The following POU5F2 variants were observed in gnomAD, a reference collection of about 807,000 sequenced individuals.
The protein encoded by POU5F2 is POU domain class 5, transcription factor 2.
For synonymous variants in POU5F2, 191 were observed against 178.7 expected (o/e 1.07, Z -0.55); for missense variants, 401 against 426.6 (o/e 0.94, Z 0.53).
rs1747732887 is a variant in POU5F2 at position 93,738,638 on chromosome 5, T to C, written c.*1939A>G. Reference sequence around the variant, plus strand: ...ATATTATTCAGTCATAAAAAAGGAATGAAGTTCTGATACACACTACAACAC... The same window carrying C: ...ATATTATTCAGTCATAAAAAAGGAACGAAGTTCTGATACACACTACAACAC... On this transcript the variant is annotated 3_prime_UTR_variant, in exon 1 of 1. Coordinates refer to ENST00000606183, the MANE Select transcript of POU5F2 (RefSeq NM_153216.2). 1 of 152,218 alleles carries C rather than the reference T, an allele frequency of 6.6e-6. No homozygotes were observed. The highest frequency in any genetic ancestry group is 6.5e-5 in the Admixed American group (1 of 15,286). 9.4% of individuals were successfully genotyped at this position (152,218 alleles called of 1,614,324 possible). A position where few individuals can be genotyped will look rare whatever the true frequency, so the allele number is the denominator to read the frequency against.
rs992236080 is a variant in POU5F2, at chr5:93,741,327, G to A, written c.237C>T (p.Cys79=). 1 of 1,612,940 alleles carries A rather than the reference G, an allele frequency of 6.2e-7. No individual in the cohort carries two copies. The highest frequency in any genetic ancestry group is 1.3e-5 in the African/African-American group (1 of 75,046). ...PHEFRGWIAP[C]RPRLGASEAG... is the part of the protein sequence containing the mutation. ...CCTCACTAGCTCCAAGACGGGGCCTGCAGGGTGCTATCCAGCCCCGGAATT... is the reference window on the plus strand; with the variant it reads ...CCTCACTAGCTCCAAGACGGGGCCTACAGGGTGCTATCCAGCCCCGGAATT... The change falls in exon 1 of 1, where the codon TGC becomes TGT. Residue 79 remains cysteine (C), a synonymous_variant. Transcript: ENST00000606183.
chr5:93,736,201 G>A lies in POU5F2; in HGVS notation c.*4376C>T, dbSNP rs146470520. On this transcript the variant is annotated 3_prime_UTR_variant, in exon 1 of 1. Coordinates refer to ENST00000606183, the MANE Select transcript of POU5F2 (RefSeq NM_153216.2). ...TTCCAATGTGATTCTATATTCTTGA[G>A]TAAATAAACTGGGAACTCAAGCTAA... is the stretch of plus-strand genomic sequence containing the variant. The A allele has an allele frequency of 1.3e-5, 2 of 152,198 alleles. No homozygotes were observed. Among genetic ancestry groups the A allele is most frequent in the Non-Finnish European group, 2.9e-5 (2 of 68,026 alleles). 9.4% of individuals were successfully genotyped at this position (152,198 alleles called of 1,614,324 possible).
At position 93,736,021 on chromosome 5, in the gene POU5F2, A is replaced by G. The variant is rs1260703114; in HGVS notation, c.*4556T>C. 1 of 152,130 alleles carries G rather than the reference A, an allele frequency of 6.6e-6. No individual in the cohort carries two copies. The highest frequency in any genetic ancestry group is 1.5e-5 in the Non-Finnish European group (1 of 68,024). 9.4% of individuals were successfully genotyped at this position (152,130 alleles called of 1,614,324 possible). A position where few individuals can be genotyped will look rare whatever the true frequency, so the allele number is the denominator to read the frequency against. On this transcript the variant is annotated 3_prime_UTR_variant, in exon 1 of 1. Coordinates refer to ENST00000606183, the MANE Select transcript of POU5F2 (RefSeq NM_153216.2). Reference sequence around the variant, plus strand: ...GACATTAAGTTTTTCTTGAGCACTGATGTAGCCCTAAGGATAAAAAAGCTG... The same window carrying G: ...GACATTAAGTTTTTCTTGAGCACTGGTGTAGCCCTAAGGATAAAAAAGCTG...
At position 93,739,031 on chromosome 5, in the gene POU5F2, T is replaced by C. The variant is rs1747817969; in HGVS notation, c.*1546A>G. On this transcript the variant is annotated 3_prime_UTR_variant, in exon 1 of 1. Coordinates refer to ENST00000606183, the MANE Select transcript of POU5F2 (RefSeq NM_153216.2). ...AATAAAAAGCTTAGTCACACCTGAC[T>C]TGTGTGACAGTAAAATTATCCCTGG... The C allele has an allele frequency of 1.3e-5, 2 of 152,230 alleles. No individual in the cohort carries two copies. Among genetic ancestry groups the C allele is most frequent in the East Asian group, 3.8e-4 (2 of 5,198 alleles). 9.4% of individuals were successfully genotyped at this position (152,230 alleles called of 1,614,324 possible).
rs1230436362 is a variant in POU5F2, at chr5:93,741,566, G to A, written c.-3C>T. 9.1e-6 allele frequency: 14 copies of A among 1,537,222 alleles called. No homozygotes were observed. The highest frequency in any genetic ancestry group is 2.8e-5 in the African/African-American group (2 of 72,476). On this transcript the variant is annotated 5_prime_UTR_variant, in exon 1 of 1. Coordinates refer to ENST00000606183, the MANE Select transcript of POU5F2 (RefSeq NM_153216.2). ...TTTGAGGGCCTGTGTCCGGCCATGGGTGGAATGGCACCCGCAGCGGCTCTG... is the reference window on the plus strand; with the variant it reads ...TTTGAGGGCCTGTGTCCGGCCATGGATGGAATGGCACCCGCAGCGGCTCTG...
chr5:93,736,595 A>G lies in POU5F2; in HGVS notation c.*3982T>C, dbSNP rs1747268616. The stretch of plus-strand genomic sequence containing the variant: ...ATAACCACCCTTAGAGTCGGAGGAA[A>G]AAAAAAGTTTAGGTCTCTTAGGTGT... On this transcript the variant is annotated 3_prime_UTR_variant, in exon 1 of 1. Coordinates refer to ENST00000606183, the MANE Select transcript of POU5F2 (RefSeq NM_153216.2). 1 of 152,212 alleles carries G rather than the reference A, an allele frequency of 6.6e-6. No individual in the cohort carries two copies. The highest frequency in any genetic ancestry group is 6.5e-5 in the Admixed American group (1 of 15,282). 9.4% of individuals were successfully genotyped at this position (152,212 alleles called of 1,614,324 possible). A position where few individuals can be genotyped will look rare whatever the true frequency, so the allele number is the denominator to read the frequency against.
chr5:93,740,346 A>G lies in POU5F2; in HGVS notation c.*231T>C. On this transcript the variant is annotated 3_prime_UTR_variant, in exon 1 of 1. Transcript: ENST00000606183. ...TATACTGTAATGTACCTTTAAACCA[A>G]TGCTAGGGAAAAACAAAGGGAAAAC... is the stretch of plus-strand genomic sequence containing the variant. 5.7e-6 allele frequency: 3 copies of G among 525,066 alleles called. No individual in the cohort carries two copies. In the South Asian group the frequency reaches 9.8e-5, roughly 17 times the overall value. 32.5% of individuals were successfully genotyped at this position (525,066 alleles called of 1,614,324 possible).
In POU5F2 at chr5:93,738,736, T is replaced by C. The variant is rs1234406186; in HGVS notation, c.*1841A>G. 1 of 152,238 alleles carries C rather than the reference T, an allele frequency of 6.6e-6. No homozygotes were observed. The highest frequency in any genetic ancestry group is 1.5e-5 in the Non-Finnish European group (1 of 68,066). The allele number at this position is 152,238 out of a possible 1,614,324, so 9.4% of individuals were successfully genotyped here. On this transcript the variant is annotated 3_prime_UTR_variant, in exon 1 of 1. Transcript: ENST00000606183. The stretch of plus-strand genomic sequence containing the variant: ...GTCAAATGTTGTATGGTTCCATGAA[T>C]ATGAACTGCTTAGAACTGGCAAATT...
In POU5F2 at chr5:93,741,500, T is replaced by C. The variant is rs1748485649; in HGVS notation, c.64A>G (p.Arg22Gly). The part of the protein sequence containing the change: ...PLPGSGGGGP[R>G]GPMPLRVDTL... ...TCAACCCGCAGGGGCATCGGCCCTC[T>C]GGGGCCGCCCCCACCACTGCCTGGA... The change falls in exon 1 of 1, where the codon AGA becomes GGA. Residue 22 changes from arginine (R) to glycine (G), a missense_variant. Physicochemically the swap from Arg to Gly is moderately radical, Grantham distance 125 (BLOSUM62 -2). Coordinates refer to ENST00000606183, the MANE Select transcript of POU5F2 (RefSeq NM_153216.2). 6.2e-7 allele frequency: 1 copy of C among 1,611,762 alleles called. No homozygotes were observed. Among genetic ancestry groups the C allele is most frequent in the African/African-American group, 1.3e-5 (1 of 74,900 alleles).
chr5:93,741,547 G>T lies in POU5F2; in HGVS notation c.17C>A (p.Pro6His), dbSNP rs1350417526. 6.3e-7 allele frequency: 1 copy of T among 1,580,134 alleles called. No individual in the cohort carries two copies. Among genetic ancestry groups the T allele is most frequent in the Admixed American group, 1.8e-5 (1 of 55,502 alleles). MAGHR[P>H]SNHFCPLPGS... Reference sequence around the variant, plus strand: ...TGGAAGGGGGCAGAAGTGGTTTGAGGGCCTGTGTCCGGCCATGGGTGGAAT... The same window carrying T: ...TGGAAGGGGGCAGAAGTGGTTTGAGTGCCTGTGTCCGGCCATGGGTGGAAT... Residue 6 changes from proline (P) to histidine (H), a missense_variant, in exon 1 of 1, where the codon CCC becomes CAC. Transcript: ENST00000606183.
At position 93,738,971 on chromosome 5, in the gene POU5F2, G is replaced by T. The variant is rs1262507604; in HGVS notation, c.*1606C>A. ...TATCACACACACAAAAATAGGCAAAGGTAAAGTTTCTACAGTCTCATGAAG... is the reference window on the plus strand; with the variant it reads ...TATCACACACACAAAAATAGGCAAATGTAAAGTTTCTACAGTCTCATGAAG... On this transcript the variant is annotated 3_prime_UTR_variant, in exon 1 of 1. Transcript: ENST00000606183. 1.3e-5 allele frequency: 2 copies of T among 152,116 alleles called. No homozygotes were observed. Among genetic ancestry groups the T allele is most frequent in the Non-Finnish European group, 2.9e-5 (2 of 68,006 alleles). The allele number at this position is 152,116 out of a possible 1,614,324, so 9.4% of individuals were successfully genotyped here.
Position 93,741,257 on chromosome 5 carries a change from G to T in POU5F2, c.307C>A (p.Pro103Thr). The change falls in exon 1 of 1, where the codon CCC becomes ACC. Residue 103 changes from proline (P) to threonine (T), a missense_variant. By Grantham distance (38) the Pro-to-Thr change is conservative (BLOSUM62 -1). Coordinates refer to ENST00000606183, the MANE Select transcript of POU5F2 (RefSeq NM_153216.2). ...GGAATGCTCCGCAGGGCAATGTAGG[G>T]CCCCGGGAGGGCGCCTTCGGAGGGG... The part of the protein sequence containing the change: ...RRPSEGALPG[P>T]YIALRSIPKL... 1 of 1,613,900 alleles carries T rather than the reference G, an allele frequency of 6.2e-7. No homozygotes were observed.
Position 93,736,264 on chromosome 5 carries a change from C to G in POU5F2, c.*4313G>C, listed in dbSNP as rs1242664090. The stretch of plus-strand genomic sequence containing the variant: ...GTATATGTGTAATCTTGATACACCT[C>G]CATTGTCCACCTGAAACAATACAGC... On this transcript the variant is annotated 3_prime_UTR_variant, in exon 1 of 1. Transcript: ENST00000606183. 1 of 152,086 alleles carries G rather than the reference C, an allele frequency of 6.6e-6. No individual in the cohort carries two copies. The highest frequency in any genetic ancestry group is 1.5e-5 in the Non-Finnish European group (1 of 68,018). 9.4% of individuals were successfully genotyped at this position (152,086 alleles called of 1,614,324 possible). A position where few individuals can be genotyped will look rare whatever the true frequency, so the allele number is the denominator to read the frequency against.
chr5:93,738,014 T>A lies in POU5F2; in HGVS notation c.*2563A>T. ...AGTCTGTCTGCATCAAAAGATACAG[T>A]CAAAAGAGTAAAAGGACAACCCACA... On this transcript the variant is annotated 3_prime_UTR_variant, in exon 1 of 1. Coordinates refer to ENST00000606183, the MANE Select transcript of POU5F2 (RefSeq NM_153216.2). 2 of 402,838 alleles carry A rather than the reference T, an allele frequency of 5.0e-6. No individual in the cohort carries two copies. The highest frequency in any genetic ancestry group is 3.7e-5 in the South Asian group (2 of 54,104). The allele number at this position is 402,838 out of a possible 1,614,324, so 25.0% of individuals were successfully genotyped here.
At position 93,740,707 on chromosome 5, in the gene POU5F2, G is replaced by A. The variant is rs750940747; in HGVS notation, c.857C>T (p.Pro286Leu). 4.3e-6 allele frequency: 7 copies of A among 1,613,622 alleles called. No homozygotes were observed. Among genetic ancestry groups the A allele is most frequent in the Non-Finnish European group, 5.1e-6 (6 of 1,179,714 alleles). The change falls in exon 1 of 1, where the codon CCA (proline) becomes CTA (leucine). Residue 286 changes from proline (P) to leucine (L), a missense_variant. Pro to Leu is a moderately conservative substitution (Grantham distance 98). Transcript: ENST00000606183. ...EIVGTAGPPC[P>L]GAPVCFHLGL... The stretch of plus-strand genomic sequence containing the variant: ...CAGGTGAAAGCACACTGGTGCTCCT[G>A]GGCAAGGAGGCCCGGCTGTCCCCAC...
In POU5F2 at chr5:93,736,084, C is replaced by T. The variant is rs1747146494; in HGVS notation, c.*4493G>A. The T allele has an allele frequency of 1.3e-5, 2 of 152,022 alleles. No homozygotes were observed. The highest frequency in any genetic ancestry group is 2.4e-5 in the African/African-American group (1 of 41,394). 9.4% of individuals were successfully genotyped at this position (152,022 alleles called of 1,614,324 possible). A position where few individuals can be genotyped will look rare whatever the true frequency, so the allele number is the denominator to read the frequency against. ...CATTTCCACACTTTTTATCCAGTGCCGTATTTTGGGCATTGTCATCAAGGA... is the reference window on the plus strand; with the variant it reads ...CATTTCCACACTTTTTATCCAGTGCTGTATTTTGGGCATTGTCATCAAGGA... On this transcript the variant is annotated 3_prime_UTR_variant, in exon 1 of 1. Coordinates refer to ENST00000606183, the MANE Select transcript of POU5F2 (RefSeq NM_153216.2).
At position 93,740,442 on chromosome 5, in the gene POU5F2, A is replaced by G; in HGVS notation, c.*135T>C. 1.1e-6 allele frequency: 1 copy of G among 938,138 alleles called. No homozygotes were observed. Among genetic ancestry groups the G allele is most frequent in the East Asian group, 2.6e-5 (1 of 38,950 alleles). The allele number at this position is 938,138 out of a possible 1,614,324, so 58.1% of individuals were successfully genotyped here. A position where few individuals can be genotyped will look rare whatever the true frequency, so the allele number is the denominator to read the frequency against. On this transcript the variant is annotated 3_prime_UTR_variant, in exon 1 of 1. Transcript: ENST00000606183. ...ACAATTCCCACCCCCATTCCCTACT[A>G]TGTATCCTTAACTTCTTTAGACAGT...
At position 93,738,333 on chromosome 5, in the gene POU5F2, G is replaced by A. The variant is rs1747654870; in HGVS notation, c.*2244C>T. The A allele has an allele frequency of 6.5e-6, 1 of 152,684 alleles. No individual in the cohort carries two copies. Among genetic ancestry groups the A allele is most frequent in the Admixed American group, 6.5e-5 (1 of 15,296 alleles). The allele number at this position is 152,684 out of a possible 1,614,324, so 9.5% of individuals were successfully genotyped here. A position where few individuals can be genotyped will look rare whatever the true frequency, so the allele number is the denominator to read the frequency against. ...GGGATATGGAAAAACTAGAACTCTT[G>A]TAGATTGCTGGTGGGAATGTAAAAT... is the stretch of plus-strand genomic sequence containing the variant. On this transcript the variant is annotated 3_prime_UTR_variant, in exon 1 of 1. Transcript: ENST00000606183.
Position 93,739,503 on chromosome 5 carries a change from T to C in POU5F2, c.*1074A>G, listed in dbSNP as rs1176188252. On this transcript the variant is annotated 3_prime_UTR_variant, in exon 1 of 1. Transcript: ENST00000606183. ...CTATCCAGAAATAAGACATAAACTC[T>C]GATATAATACATACTGATAGAATTC... 1 of 152,080 alleles carries C rather than the reference T, an allele frequency of 6.6e-6. No individual in the cohort carries two copies. Among genetic ancestry groups the C allele is most frequent in the Non-Finnish European group, 1.5e-5 (1 of 68,014 alleles). 9.4% of individuals were successfully genotyped at this position (152,080 alleles called of 1,614,324 possible).
Sources: gnomAD v4.1 joint callset for allele counts on GRCh38, gnomAD v4.1.1 for gene constraint, MANE v1.5 for transcripts, NCBI Gene and HGNC (gene_info 2026-07-23, HGNC 2026-07-21) for gene names.